DDX4: variants seen among roughly 807,000 people sequenced by gnomAD.
DDX4 encodes the protein probable ATP-dependent RNA helicase DDX4.
A neutral mutation model predicts 100.0 loss-of-function variants in DDX4; 25 were observed. The observed-to-expected ratio is 0.25, with a 90% CI of 0.18 to 0.35. The LOEUF is 0.35. Ranked by LOEUF, DDX4 falls within the 10% of genes least tolerant of loss-of-function variation. The pLI is 1.00. For synonymous variants in DDX4, 259 were observed against 275.7 expected (o/e 0.94, Z 0.60); for missense variants, 635 against 882.4 (o/e 0.72, Z 3.55).
At chr5:55,815,774 CTT>C (rs67244556) in intron 21 of DDX4, among the ~76,000 whole-genome samples, 70 of 135,940 alleles carry the variant, frequency 5.1e-4, no homozygotes, top group Admixed American at 6.6e-4. Flanking sequence ...TTTTTCTTTT[CTT>C]TTTTTTTTTT....
At chr5:55,787,169 A>G (rs1014909318) in intron 14 of DDX4, among the ~76,000 whole-genome samples, 1 of 152,242 alleles carries the variant, frequency 6.6e-6, no homozygotes, top group Non-Finnish European at 1.5e-5. Context: ...TAACGACTCC[A>G]TAAGATGAGA....
chr5:55,769,644 A>G lies in DDX4; in HGVS notation c.394+1704A>G, dbSNP rs114349478. On this transcript the variant is annotated intron_variant, in intron 7 of 21. Coordinates refer to ENST00000505374, the MANE Select transcript of DDX4 (RefSeq NM_024415.3). Reference sequence around the variant, plus strand: ...ATCCAATCTACCAATAACATTCTTCACAGAATTAGAAAAAAACAATTTTAA... The same window carrying G: ...ATCCAATCTACCAATAACATTCTTCGCAGAATTAGAAAAAAACAATTTTAA... Among the ~76,000 whole-genome samples, 1,371 of 152,278 alleles carry G rather than the reference A, an allele frequency of 9.0e-3. 17 individuals carry two copies. Among genetic ancestry groups the G allele is most frequent in the African/African-American group, 0.031 (1,292 of 41,558 alleles).
chr5:55,743,505 C>A (rs1759095216), intron 2 of DDX4, among the ~76,000 whole-genome samples: 1 of 152,164 alleles, frequency 6.6e-6, no homozygotes, highest in Non-Finnish European at 1.5e-5. Flanking sequence ...TCTCGGCTCC[C>A]TTCAAGCTCC....
At chr5:55,812,426 TG>T (rs1163412003) in intron 18 of DDX4, among the ~76,000 whole-genome samples, 1 of 152,014 alleles carries the variant, frequency 6.6e-6, no homozygotes, top group Non-Finnish European at 1.5e-5. Context: ...TAGCTGGGTG[TG>T]GTGGCAGGTG....
chr5:55,806,997 T>G (rs1233186024), intron 18 of DDX4, among the ~76,000 whole-genome samples: 4 of 152,252 alleles, frequency 2.6e-5, no homozygotes, highest in Non-Finnish European at 5.9e-5. Context: ...TTTATGAATC[T>G]GGGTGCTCCT....
At chr5:55,785,576 T>C (rs908838800) in intron 12 of DDX4, 82 bp downstream of exon 12, 25 of 1,355,352 alleles carry the variant, frequency 1.8e-5, no homozygotes, top group Non-Finnish European at 2.4e-5. Flanking sequence ...AACAAAGTTA[T>C]CTTTTAAAAA....
rs185422068 is a variant in DDX4 at position 55,807,653 on chromosome 5, C to T, written c.1616-6020C>T. On this transcript the variant is annotated intron_variant, in intron 18 of 21. Transcript: ENST00000505374. The stretch of plus-strand genomic sequence containing the variant: ...TTTAAGAATGTTGAATATTGGCCCC[C>T]ACTCTCTTCTGACTTGTAGAGTTTC... 2.1e-3 allele frequency among the ~76,000 whole-genome samples: 321 copies of T among 152,282 alleles called. 1 individual carries two copies. Among genetic ancestry groups the T allele is most frequent in the African/African-American group, 7.1e-3 (293 of 41,548 alleles).
At chr5:55,753,806 A>G (rs1381868075) in intron 3 of DDX4, among the ~76,000 whole-genome samples, 5 of 132,152 alleles carry the variant, frequency 3.8e-5, no homozygotes, top group South Asian at 2.9e-4. Flanking sequence ...ACCCATGAGC[A>G]TGGAATGTTC....
chr5:55,816,666 C>A lies in DDX4; in HGVS notation c.*126C>A. On this transcript the variant is annotated 3_prime_UTR_variant, in exon 22 of 22. Transcript: ENST00000505374. Reference sequence around the variant, plus strand: ...TCCTGTCCTTGTATTCTCACTCCTACACTTAAAAAAAAAATCCTTACTGAC... The same window carrying A: ...TCCTGTCCTTGTATTCTCACTCCTAAACTTAAAAAAAAAATCCTTACTGAC... The A allele has an allele frequency of 2.8e-6, 4 of 1,435,814 alleles. No individual in the cohort carries two copies. Among genetic ancestry groups the A allele is most frequent in the Middle Eastern group, 2.1e-4 (1 of 4,750 alleles). 88.9% of individuals were successfully genotyped at this position (1,435,814 alleles called of 1,614,324 possible).
intron 17 of DDX4, among the ~76,000 whole-genome samples, chr5:55,796,747 T>TTC (rs1336718373): frequency 6.6e-6 from 1 of 151,766 alleles, no homozygotes; most frequent in African/African-American, 2.4e-5. Context: ...ATCATTAGTG[T>TTC]TCCACATTCT....
chr5:55,816,659 A>C lies in DDX4; in HGVS notation c.*119A>C. On this transcript the variant is annotated 3_prime_UTR_variant, in exon 22 of 22. Transcript: ENST00000505374. ...TCATAGCTCCTGTCCTTGTATTCTC[A>C]CTCCTACACTTAAAAAAAAAATCCT... 54 of 1,441,442 alleles carry C rather than the reference A, an allele frequency of 3.7e-5. No homozygotes were observed. Among genetic ancestry groups the C allele is most frequent in the Non-Finnish European group, 4.8e-5 (52 of 1,092,108 alleles). The allele number at this position is 1,441,442 out of a possible 1,614,324, so 89.3% of individuals were successfully genotyped here. A position where few individuals can be genotyped will look rare whatever the true frequency, so the allele number is the denominator to read the frequency against.
intron 2 of DDX4, 56 bp from the exon 3 acceptor site, chr5:55,746,108 A>G: frequency 2.2e-6 from 3 of 1,341,964 alleles, no homozygotes; most frequent in Non-Finnish European, 3.1e-6. Flanking sequence ...TGTGAAATAA[A>G]TGACACGTTC....
At chr5:55,742,473 T>G (rs1391448842) in intron 2 of DDX4, among the ~76,000 whole-genome samples, 1 of 152,208 alleles carries the variant, frequency 6.6e-6, no homozygotes, top group African/African-American at 2.4e-5. Context: ...AGTAGCAATG[T>G]TAGCAATAAT....
Position 55,738,963 on chromosome 5 carries a change from C to T in DDX4, c.-1C>T, listed in dbSNP as rs1357111449. On this transcript the variant is annotated 5_prime_UTR_variant, in exon 2 of 22. Transcript: ENST00000505374. ...TTTTATGAATAGAACTTGAAGCCAC[C>T]ATGGGAGATGAAGATTGGGAAGCAG... is the stretch of plus-strand genomic sequence containing the variant. 3 of 1,591,170 alleles carry T rather than the reference C, an allele frequency of 1.9e-6. No homozygotes were observed. The African/African-American group carries it at 4.0e-5, about 21-fold the overall frequency.
chr5:55,775,126 T>C (rs1158773043), intron 7 of DDX4, among the ~76,000 whole-genome samples: 1 of 152,252 alleles, frequency 6.6e-6, no homozygotes, highest in African/African-American at 2.4e-5. Context: ...ATATTTGTCC[T>C]GTCGTATTTG....
At chr5:55,785,656 T>C in intron 12 of DDX4, 73 bp from the exon 13 acceptor site, 3 of 1,403,660 alleles carry the variant, frequency 2.1e-6, no homozygotes, top group Non-Finnish European at 3.0e-6. Flanking sequence ...ATCTTGTCAA[T>C]TTTTGTCTAT....
chr5:55,780,182 T>C (rs1741823767), intron 8 of DDX4, 117 bp downstream of exon 8: 1 of 1,445,254 alleles, frequency 6.9e-7, no homozygotes. Flanking sequence ...CTTAGCTCAG[T>C]GACTAATACA....
At chr5:55,802,310 A>G (rs1291404009) in intron 18 of DDX4, among the ~76,000 whole-genome samples, 1 of 152,190 alleles carries the variant, frequency 6.6e-6, no homozygotes, top group Non-Finnish European at 1.5e-5. Context: ...AGAATGTTTG[A>G]TTTTAGTTTA....
chr5:55,797,469 G>A (rs1256297933), intron 17 of DDX4, among the ~76,000 whole-genome samples: 1 of 152,068 alleles, frequency 6.6e-6, no homozygotes, highest in African/African-American at 2.4e-5. Context: ...TTTGTGCCTG[G>A]GTGAGAGAGT....
Sources: allele counts gnomAD v4.1 joint callset (sites outside exome capture counted in the v4.1 genomes callset), GRCh38; gene constraint gnomAD v4.1.1; transcripts MANE v1.5; gene names NCBI Gene and HGNC (gene_info 2026-07-23, HGNC 2026-07-21).